UGGT1: variants seen among roughly 807,000 people sequenced by gnomAD.
UGGT1 encodes the protein UDP-glucose glycoprotein glucosyltransferase 1, also known as UDP-glucose:glycoprotein glucosyltransferase 1.
UGGT1 carries 107 observed loss-of-function variants against 203.9 expected under a neutral mutation model. The ratio of observed to expected loss-of-function variants is 0.52; its 90% CI spans 0.45 to 0.62. The LOEUF is 0.62. UGGT1 is among the 20% of genes least tolerant of loss of function. The pLI is 0.00. For synonymous variants in UGGT1, 628 were observed against 653.5 expected (o/e 0.96, Z 0.59); for missense variants, 1,673 against 1,867.2 (o/e 0.90, Z 1.92).
intron 2 of UGGT1, among the ~76,000 whole-genome samples, chr2:128,100,464 T>G: frequency 6.6e-6 from 1 of 152,096 alleles, no homozygotes; most frequent in Non-Finnish European, 1.5e-5. Context: ...TGGAGTGCAA[T>G]GGCGTGATCT....
At chr2:128,172,508 G>A in intron 28 of UGGT1, 65 bp from the exon 29 acceptor site, 1 of 1,533,552 alleles carries the variant, frequency 6.5e-7, no homozygotes, top group Non-Finnish European at 9.0e-7. Context: ...ACCTGTGTAA[G>A]GGCTGTGCAC....
chr2:128,123,293 A>C, intron 11 of UGGT1, 47 bp downstream of exon 11: 1 of 1,520,076 alleles, frequency 6.6e-7, no homozygotes, highest in East Asian at 2.3e-5. Flanking sequence ...TCTATCTTTA[A>C]AGATAAGGAA....
rs776148822 is a variant in UGGT1 at position 128,174,869 on chromosome 2, G to A, written c.3539+11G>A. 8 of 1,605,330 alleles carry A rather than the reference G, an allele frequency of 5.0e-6. No homozygotes were observed. In the East Asian group the frequency reaches 1.3e-4, roughly 27 times the overall value. The stretch of plus-strand genomic sequence containing the variant: ...TTATAGAATTTACAGGTAGGAGTAA[G>A]TGATGCAGTTACATTATCCCAGAAC... On this transcript the variant is annotated intron_variant, in intron 31 of 40. Coordinates refer to ENST00000259253, the MANE Select transcript of UGGT1 (RefSeq NM_020120.4).
chr2:128,141,346 G>C (rs1006612473), intron 16 of UGGT1, among the ~76,000 whole-genome samples: 2 of 151,986 alleles, frequency 1.3e-5, no homozygotes, highest in Non-Finnish European at 2.9e-5. Context: ...TGCAATCCTA[G>C]TACTTTGGGG....
chr2:128,094,757 T>C (rs1687031776), intron 1 of UGGT1, among the ~76,000 whole-genome samples: 1 of 94,910 alleles, frequency 1.1e-5, no homozygotes, highest in Non-Finnish European at 2.5e-5. Context: ...TTTTTTTTTT[T>C]TTTTTTTTTG....
intron 25 of UGGT1, 47 bp downstream of exon 25, chr2:128,161,315 T>G (rs184149684): frequency 6.3e-7 from 1 of 1,595,910 alleles, no homozygotes; most frequent in African/African-American, 1.3e-5. Context: ...TAATTGGACT[T>G]TCCTCATTGA....
At chr2:128,103,129 A>G (rs1357261680) in intron 2 of UGGT1, 2 of 470,962 alleles carry the variant, frequency 4.2e-6, no homozygotes, top group Non-Finnish European at 8.8e-6. Flanking sequence ...GTAATGGGAA[A>G]GTCTTCCTTT....
chr2:128,143,038 C>A, intron 16 of UGGT1, 56 bp from the exon 17 acceptor site: 8 of 1,450,250 alleles, frequency 5.5e-6, no homozygotes, highest in Admixed American at 4.8e-5. Flanking sequence ...GTGGAATAAA[C>A]ACTTTGAAAT....
chr2:128,102,767 C>T (rs139531466), intron 2 of UGGT1, among the ~76,000 whole-genome samples: 51 of 152,276 alleles, frequency 3.3e-4, no homozygotes, highest in Non-Finnish European at 8.8e-5. Context: ...TCTTAGTTCT[C>T]ACCACACTGG....
chr2:128,103,983 C>A lies in UGGT1; in HGVS notation c.246C>A (p.Ala82=). 6 of 1,589,426 alleles carry A rather than the reference C, an allele frequency of 3.8e-6. No homozygotes were observed. The highest frequency in any genetic ancestry group is 5.1e-6 in the Non-Finnish European group (6 of 1,172,372). The change falls in exon 3 of 41, where the codon GCC becomes GCA. Residue 82 remains alanine, a synonymous_variant. Transcript: ENST00000259253. ...SQEKFWNFVE[A]SQNIGSSDHD... is the part of the protein sequence containing the mutation. Reference sequence around the variant, plus strand: ...AGAAATTTTGGAATTTTGTAGAAGCCAGTCAAAATATTGGATCATCAGATC... The same window carrying A: ...AGAAATTTTGGAATTTTGTAGAAGCAAGTCAAAATATTGGATCATCAGATC...
chr2:128,169,048 TAAAAAAAAAAAAAAAAAAAAAA>T (rs544381740), intron 26 of UGGT1, among the ~76,000 whole-genome samples: 49 of 52,566 alleles, frequency 9.3e-4, no homozygotes, highest in Middle Eastern at 0.013. Flanking sequence ...ACTCTGTCTT[TAAAAAAAAAAAAAAAAAAAAAA>T]AAAAAAAAAA....
chr2:128,144,304 AGT>A, intron 17 of UGGT1, among the ~76,000 whole-genome samples: 1 of 152,338 alleles, frequency 6.6e-6, no homozygotes, highest in South Asian at 2.1e-4. Flanking sequence ...ATGAATTTTC[AGT>A]TTGGCTGTTT....
intron 37 of UGGT1, among the ~76,000 whole-genome samples, chr2:128,183,272 C>G (rs1303207844): frequency 6.6e-6 from 1 of 152,210 alleles, no homozygotes; most frequent in Non-Finnish European, 1.5e-5. Context: ...TGGCTTCATT[C>G]TTTACATTCC....
intron 11 of UGGT1, among the ~76,000 whole-genome samples, chr2:128,124,551 C>A (rs1688522311): frequency 6.6e-6 from 1 of 151,614 alleles, no homozygotes; most frequent in Admixed American, 6.6e-5. Flanking sequence ...TTCTTAAATT[C>A]TTTGTTTGTG....
In UGGT1 at chr2:128,091,659, C is replaced by T. The variant is rs1037385960; in HGVS notation, c.58+244C>T. 2.4e-6 allele frequency: 3 copies of T among 1,272,626 alleles called. No individual in the cohort carries two copies. The East Asian group carries it at 9.0e-5, about 38-fold the overall frequency. The allele number at this position is 1,272,626 out of a possible 1,614,324, so 78.8% of individuals were successfully genotyped here. A position where few individuals can be genotyped will look rare whatever the true frequency, so the allele number is the denominator to read the frequency against. ...GCGGTCTTGAACCTTCTTTGAAGAG[C>T]TTTAGATCCTTGTGCCAAGTGCAGA... On this transcript the variant is annotated intron_variant, in intron 1 of 40. Transcript: ENST00000259253.
At chr2:128,155,621 A>T (rs768706560) in intron 20 of UGGT1, 34 bp downstream of exon 20, 1 of 1,542,704 alleles carries the variant, frequency 6.5e-7, no homozygotes, top group South Asian at 1.2e-5. Flanking sequence ...CTTGCATTCA[A>T]CATTTTTTTG....
In UGGT1 at chr2:128,152,862, AT is replaced by A; in HGVS notation, c.2099del (p.Leu700Ter). On this transcript the variant is annotated frameshift_variant, in exon 19 of 41. Transcript: ENST00000259253. LOFTEE classifies it high-confidence loss of function. ...PNVVPRINSR[I>X]LTAERDYLDL... ...TGTTGTTCCACGAATCAATTCTAGG[AT>A]TTTGACAGCTGAACGAGACTACCTG... 1 of 1,613,996 alleles carries A rather than the reference AT, an allele frequency of 6.2e-7. No homozygotes were observed. Among genetic ancestry groups the A allele is most frequent in the Admixed American group, 1.7e-5 (1 of 59,996 alleles).
At chr2:128,098,763 A>AAT (rs1553431058) in intron 2 of UGGT1, among the ~76,000 whole-genome samples, 1 of 151,794 alleles carries the variant, frequency 6.6e-6, no homozygotes, top group Non-Finnish European at 1.5e-5. Context: ...AAAAAAAAAA[A>AAT]GGGAAAGAAG....
At position 128,195,454 on chromosome 2, in the gene UGGT1, T is replaced by G. The variant is rs1164978097; in HGVS notation, c.*5712T>G. On this transcript the variant is annotated 3_prime_UTR_variant, in exon 41 of 41. Coordinates refer to ENST00000259253, the MANE Select transcript of UGGT1 (RefSeq NM_020120.4). ...AAAATGTTATAATTTTTAAGGAAAC[T>G]GTGTACTTTAAAAATCTTCTTTATG... 1 of 152,242 alleles carries G rather than the reference T, an allele frequency of 6.6e-6. No individual in the cohort carries two copies. The highest frequency in any genetic ancestry group is 1.5e-5 in the Non-Finnish European group (1 of 68,038). 9.4% of individuals were successfully genotyped at this position (152,242 alleles called of 1,614,324 possible).
Sources: allele counts gnomAD v4.1 joint callset (sites outside exome capture counted in the v4.1 genomes callset), GRCh38; gene constraint gnomAD v4.1.1; transcripts MANE v1.5; gene names NCBI Gene and HGNC (gene_info 2026-07-23, HGNC 2026-07-21).